The following SEMA5A variants were observed in gnomAD, a reference collection of about 807,000 sequenced individuals.
The protein encoded by SEMA5A is semaphorin-5A.
SEMA5A carries 55 observed loss-of-function variants against 135.5 expected under a neutral mutation model. The observed-to-expected ratio is 0.41, with a 90% CI of 0.33 to 0.51. SEMA5A has a LOEUF of 0.51. Among genes scored for constraint, SEMA5A ranks in the 20% least tolerant of loss-of-function variants. The pLI is 0.37. For synonymous variants in SEMA5A, 580 were observed against 546.5 expected (o/e 1.06, Z -0.85); for missense variants, 1,290 against 1,419.9 (o/e 0.91, Z 1.47).
At chr5:9,506,731 A>G (rs1363833120) in intron 1 of SEMA5A, among the ~76,000 whole-genome samples, 1 of 152,254 alleles carries the variant, frequency 6.6e-6, no homozygotes, top group Non-Finnish European at 1.5e-5. Flanking sequence ...GCCAAGGCCA[A>G]TAGGGAGCTT....
chr5:9,507,379 T>C (rs1735949328), intron 1 of SEMA5A, among the ~76,000 whole-genome samples: 1 of 152,222 alleles, frequency 6.6e-6, no homozygotes, highest in African/African-American at 2.4e-5. Flanking sequence ...GGTAACAGTT[T>C]ATCTAAATGT....
At chr5:9,485,753 T>G (rs1734676958) in intron 1 of SEMA5A, among the ~76,000 whole-genome samples, 1 of 152,070 alleles carries the variant, frequency 6.6e-6, no homozygotes, top group Non-Finnish European at 1.5e-5. Flanking sequence ...AATCCACAGA[T>G]AGGAGATCAC....
At position 9,221,352 on chromosome 5, in the gene SEMA5A, G is replaced by C. The variant is rs567031542; in HGVS notation, c.646+3322C>G. On this transcript the variant is annotated intron_variant, in intron 8 of 22. Transcript: ENST00000382496. ...GAGTCTCGCTGTGTCACCCAGGCTG[G>C]AGTGCAGTGGCGCGATCTCGGCTTA... 4.9e-5 allele frequency among the ~76,000 whole-genome samples: 7 copies of C among 143,766 alleles called. No homozygotes were observed. The East Asian group carries it at 1.2e-3, about 25-fold the overall frequency. 94.3% of individuals were successfully genotyped at this position (143,766 alleles called of 152,430 possible).
At chr5:9,516,627 C>G (rs1384118963) in intron 1 of SEMA5A, 2 of 152,206 alleles carry the variant, frequency 1.3e-5, no homozygotes, top group East Asian at 1.9e-4. Flanking sequence ...TGACCATTTA[C>G]AAGGAGAGAG....
chr5:9,293,190 G>GC (rs1554015864), intron 5 of SEMA5A, among the ~76,000 whole-genome samples: 1 of 150,692 alleles, frequency 6.6e-6, no homozygotes, highest in African/African-American at 2.4e-5. Context: ...GAGCTCTCAG[G>GC]TCTCTCTCTC....
intron 3 of SEMA5A, among the ~76,000 whole-genome samples, chr5:9,368,386 A>G (rs1188906613): frequency 6.6e-6 from 1 of 152,216 alleles, no homozygotes; most frequent in Non-Finnish European, 1.5e-5. Context: ...GACTAACGTA[A>G]TTTCAAAAAT....
chr5:9,529,262 A>G (rs573443846), intron 1 of SEMA5A, among the ~76,000 whole-genome samples: 3 of 152,242 alleles, frequency 2.0e-5, no homozygotes, highest in African/African-American at 7.2e-5. Flanking sequence ...GCCTCTCACC[A>G]TTTCCGCCCT....
At chr5:9,474,413 C>T (rs753721896) in intron 1 of SEMA5A, among the ~76,000 whole-genome samples, 1 of 151,814 alleles carries the variant, frequency 6.6e-6, no homozygotes, top group South Asian at 2.1e-4. Context: ...AAGAACAGAG[C>T]CTTCCCACCA....
chr5:9,273,820 A>G (rs1750113034), intron 5 of SEMA5A, among the ~76,000 whole-genome samples: 1 of 152,152 alleles, frequency 6.6e-6, no homozygotes, highest in Admixed American at 6.5e-5. Context: ...GGCCTGCCCT[A>G]CAAGAGCTCC....
intron 11 of SEMA5A, among the ~76,000 whole-genome samples, chr5:9,186,030 G>A (rs1744790886): frequency 6.6e-6 from 1 of 152,146 alleles, no homozygotes; most frequent in Admixed American, 6.5e-5. Context: ...CCTTAATTTT[G>A]TCTTTGTAGA....
At chr5:9,179,048 C>T (rs1275614687) in intron 11 of SEMA5A, among the ~76,000 whole-genome samples, 1 of 152,088 alleles carries the variant, frequency 6.6e-6, no homozygotes, top group African/African-American at 2.4e-5. Flanking sequence ...AAACCTGGGG[C>T]ACTGAATCAA....
At chr5:9,148,522 C>T (rs540684042) in intron 12 of SEMA5A, among the ~76,000 whole-genome samples, 1 of 152,306 alleles carries the variant, frequency 6.6e-6, no homozygotes, top group East Asian at 1.9e-4. Context: ...CCTCCCTCAT[C>T]CCTATGTCCC....
chr5:9,337,948 G>T, intron 3 of SEMA5A, 136 bp from the exon 4 acceptor site: 1 of 584,444 alleles, frequency 1.7e-6, no homozygotes, highest in African/African-American at 1.9e-5. Flanking sequence ...ATCTTTCAGA[G>T]GCCACTGGAG....
In SEMA5A at chr5:9,093,490, C is replaced by T. The variant is rs749734534; in HGVS notation, c.2073+14650G>A. Reference sequence around the variant, plus strand: ...TTGGGAGGCTGAGGCAGGTGGCTCACGAGGTCAGGAGTTCAAGACCAGCCT... The same window carrying T: ...TTGGGAGGCTGAGGCAGGTGGCTCATGAGGTCAGGAGTTCAAGACCAGCCT... On this transcript the variant is annotated intron_variant, in intron 16 of 22. Coordinates refer to ENST00000382496, the MANE Select transcript of SEMA5A (RefSeq NM_003966.3). Among the ~76,000 whole-genome samples, 8 of 151,888 alleles carry T rather than the reference C, an allele frequency of 5.3e-5. No homozygotes were observed. The East Asian group carries it at 9.7e-4, about 18-fold the overall frequency.
chr5:9,382,509 ACTGT>A (rs1467770373), intron 2 of SEMA5A, among the ~76,000 whole-genome samples: 1 of 152,194 alleles, frequency 6.6e-6, no homozygotes, highest in African/African-American at 2.4e-5. Flanking sequence ...ATCAAATTTC[ACTGT>A]CTGTATTTTT....
At chr5:9,477,538 ACTT>A (rs889046086) in intron 1 of SEMA5A, among the ~76,000 whole-genome samples, 2 of 152,184 alleles carry the variant, frequency 1.3e-5, no homozygotes, top group Non-Finnish European at 2.9e-5. Context: ...GAGATGAGGA[ACTT>A]ATTAGGAATT....
intron 5 of SEMA5A, among the ~76,000 whole-genome samples, chr5:9,277,683 G>A (rs1360628738): frequency 1.3e-5 from 2 of 152,152 alleles, no homozygotes; most frequent in African/African-American, 2.4e-5. Context: ...GATGATGCTG[G>A]AAACCATCAT....
rs1236551746 is a variant in SEMA5A, at chr5:9,353,292, A to AGGAAG, written c.125-15485_125-15481dup. Among the ~76,000 whole-genome samples the AGGAAG allele has an allele frequency of 2.2e-3, 258 of 118,896 alleles. 7 individuals carry two copies. Among genetic ancestry groups the AGGAAG allele is most frequent in the African/African-American group, 6.4e-3 (198 of 31,058 alleles). The allele number at this position is 118,896 out of a possible 152,430, so 78.0% of individuals were successfully genotyped here. ...AAGGAAAGGAAAGGAAAGGAGGGAA[A>AGGAAG]GGAAGGGAAGGGAAGGGAAGGGAAA... On this transcript the variant is annotated intron_variant, in intron 3 of 22. Coordinates refer to ENST00000382496, the MANE Select transcript of SEMA5A (RefSeq NM_003966.3).
At chr5:9,253,411 A>G (rs1748905356) in intron 5 of SEMA5A, among the ~76,000 whole-genome samples, 2 of 152,166 alleles carry the variant, frequency 1.3e-5, no homozygotes, top group Non-Finnish European at 2.9e-5. Flanking sequence ...GTGAAAATCA[A>G]GCCACATACA....
Sources: gnomAD v4.1 joint callset for allele counts (sites outside exome capture counted in the v4.1 genomes callset) on GRCh38, gnomAD v4.1.1 for gene constraint, MANE v1.5 for transcripts, NCBI Gene and HGNC (gene_info 2026-07-23, HGNC 2026-07-21) for gene names.